ACSM3: variants seen among roughly 807,000 people sequenced by gnomAD.
ACSM3 encodes acyl-coenzyme A synthetase ACSM3, mitochondrial.
ACSM3 carries 61 observed loss-of-function variants against 74.1 expected under a neutral mutation model. That is an observed-to-expected ratio of 0.82 (90% CI 0.67 to 1.02). ACSM3 has a LOEUF of 1.02. ACSM3 is among the 50% of genes least tolerant of loss of function. The pLI is 0.00. For synonymous variants in ACSM3, 213 were observed against 241.5 expected (o/e 0.88, Z 1.09); for missense variants, 660 against 697.0 (o/e 0.95, Z 0.60).
At chr16:20,690,639 C>T (rs1255025259) in intron 1 of ACSM3, among the ~76,000 whole-genome samples, 1 of 152,222 alleles carries the variant, frequency 6.6e-6, no homozygotes, top group African/African-American at 2.4e-5. Flanking sequence ...CCAGTTAAGA[C>T]ACATTGTCCC....
At chr16:20,753,871 G>C (rs2080007295) in intron 2 of ACSM3, among the ~76,000 whole-genome samples, 1 of 139,980 alleles carries the variant, frequency 7.1e-6, no homozygotes, top group Admixed American at 7.1e-5. Flanking sequence ...GAAAGAGAAA[G>C]AAAAGAGAGA....
chr16:20,741,904 CG>C, intron 1 of ACSM3: 1 of 1,534,574 alleles, frequency 6.5e-7, no homozygotes, highest in Non-Finnish European at 8.7e-7. Flanking sequence ...GGTCTGCAAT[CG>C]TGAAAGGGGT....
At chr16:20,742,815 T>TATATA (rs1567334289) in intron 1 of ACSM3, among the ~76,000 whole-genome samples, 24 of 47,098 alleles carry the variant, frequency 5.1e-4, no homozygotes, top group African/African-American at 1.3e-3. Flanking sequence ...ATATATATAT[T>TATATA]TTTTTTTTTT....
chr16:20,699,654 G>T (rs535268439), intron 1 of ACSM3, among the ~76,000 whole-genome samples: 1 of 152,088 alleles, frequency 6.6e-6, no homozygotes, highest in Non-Finnish European at 1.5e-5. Context: ...GAATGGAGAC[G>T]GGGGAAAAGC....
rs1255499976 is a variant in ACSM3 at position 20,723,333 on chromosome 16, A to C, written c.-189-26577A>C. 2.0e-5 allele frequency among the ~76,000 whole-genome samples: 3 copies of C among 152,028 alleles called. No individual in the cohort carries two copies. The East Asian group carries it at 5.8e-4, about 29-fold the overall frequency. On this transcript the variant is annotated intron_variant, in intron 1 of 3. Transcript: ENST00000561584. ...AGTCTTTGCTATTGTGAATAGTGCC[A>C]CAATAAACATACGTGTGCATGTGTC... is the stretch of plus-strand genomic sequence containing the variant.
intron 1 of ACSM3, chr16:20,733,580 T>C (rs957076330): frequency 2.6e-5 from 4 of 151,952 alleles, no homozygotes; most frequent in Non-Finnish European, 4.4e-5. Flanking sequence ...ATTTGACATA[T>C]AAACATATTT....
rs753902420 is a variant in ACSM3 at position 20,796,478 on chromosome 16, T to C, written c.1663T>C (p.Tyr555His). 2 of 1,612,580 alleles carry C rather than the reference T, an allele frequency of 1.2e-6. No homozygotes were observed. The highest frequency in any genetic ancestry group is 2.2e-5 in the East Asian group (1 of 44,868). ...TAAAAAAACTACAGCACCTTACAAA[T>C]ATCCCAGAAAGGTAGGCATCCTAAT... ...HVKKTTAPYKYPRKVEFIQEL... is the reference protein window; with the variant it reads ...HVKKTTAPYKHPRKVEFIQEL... Residue 555 changes from tyrosine (Y) to histidine (H), a missense_variant, in exon 13 of 14, where the codon TAT (tyrosine) becomes CAT (histidine). Transcript: ENST00000289416.
intron 2 of ACSM3, among the ~76,000 whole-genome samples, chr16:20,772,274 G>T (rs2080202273): frequency 6.6e-6 from 1 of 151,686 alleles, no homozygotes; most frequent in Non-Finnish European, 1.5e-5. Flanking sequence ...GTCTGTTTTT[G>T]GTTTTGTTGC....
intron 1 of ACSM3, chr16:20,749,133 G>A (rs1270031367): frequency 6.6e-6 from 1 of 151,622 alleles, no homozygotes; most frequent in Non-Finnish European, 1.5e-5. Context: ...GTTTTAAAGG[G>A]GAATATCTAT....
intron 1 of ACSM3, among the ~76,000 whole-genome samples, chr16:20,675,311 T>C (rs163257): frequency 0.35 from 53,206 of 151,444 alleles, 10,011 homozygotes; most frequent in East Asian, 0.65. Flanking sequence ...ATGCGGGGAG[T>C]AATGTGGGGA....
chr16:20,753,331 G>A (rs569695458), intron 2 of ACSM3, among the ~76,000 whole-genome samples: 1 of 152,038 alleles, frequency 6.6e-6, no homozygotes, highest in East Asian at 1.9e-4. Flanking sequence ...AGGCATGGTG[G>A]CACATGCCTG....
chr16:20,754,264 G>C (rs959049517), intron 2 of ACSM3, among the ~76,000 whole-genome samples: 2 of 152,198 alleles, frequency 1.3e-5, no homozygotes, highest in African/African-American at 4.8e-5. Context: ...TAGAAATGTA[G>C]TGGGGTTGTC....
At chr16:20,760,228 CAT>C (rs1308513865), upstream of ACSM3, among the ~76,000 whole-genome samples, 3 of 152,276 alleles carry the variant, frequency 2.0e-5, no homozygotes, top group East Asian at 5.8e-4. Flanking sequence ...TTCTTTGACA[CAT>C]TTTGAAATGG....
chr16:20,723,346 G>A (rs1168065162), intron 1 of ACSM3, among the ~76,000 whole-genome samples: 2 of 152,082 alleles, frequency 1.3e-5, no homozygotes, highest in East Asian at 1.9e-4. Context: ...ATAAACATAC[G>A]TGTGCATGTG....
chr16:20,785,994 A>G, intron 8 of ACSM3, 84 bp from the exon 9 acceptor site: 1 of 937,452 alleles, frequency 1.1e-6, no homozygotes, highest in Non-Finnish European at 1.6e-6. Context: ...TTTTCAATAA[A>G]TAATTTGTTG....
rs2080574549 is a variant in ACSM3, at chr16:20,790,549, A to G, written c.1225-38A>G. 2 of 1,575,882 alleles carry G rather than the reference A, an allele frequency of 1.3e-6. No homozygotes were observed. The highest frequency in any genetic ancestry group is 2.3e-5 in the South Asian group (2 of 88,054). On this transcript the variant is annotated intron_variant, in intron 9 of 13. Transcript: ENST00000289416. This position sits in a 1 kb window ranked among gnomAD's most constrained non-coding sequence, Gnocchi z 4.0. ...TAATATTTAAGCTGCGACATTAAAC[A>G]AAAATTTCCTTAAATAAATTGTTCT...
At chr16:20,691,330 G>T in intron 1 of ACSM3, 1 of 653,196 alleles carries the variant, frequency 1.5e-6, no homozygotes, top group Non-Finnish European at 2.5e-6. Flanking sequence ...TACAGTTATA[G>T]CTTTGTTTCA....
intron 3 of ACSM3, among the ~76,000 whole-genome samples, chr16:20,776,284 G>C (rs1267402381): frequency 6.6e-6 from 1 of 152,156 alleles, no homozygotes; most frequent in East Asian, 1.9e-4. Flanking sequence ...GCCCTGATTA[G>C]AAAGAAAAGA....
intron 13 of ACSM3, 59 bp from the exon 14 acceptor site, chr16:20,796,827 T>C: frequency 6.2e-7 from 1 of 1,602,854 alleles, no homozygotes; most frequent in Non-Finnish European, 8.5e-7. Context: ...TGCTATATAA[T>C]TGGCTTTATG....
Sources: allele counts gnomAD v4.1 joint callset (sites outside exome capture counted in the v4.1 genomes callset), GRCh38; gene constraint gnomAD v4.1.1; non-coding constraint Gnocchi (gnomAD v3.1); transcripts MANE v1.5; gene names NCBI Gene and HGNC (gene_info 2026-07-23, HGNC 2026-07-21).